Variants in SLIT2 observed in about 807,000 individuals in gnomAD.
SLIT2 encodes slit homolog 2 protein.
SLIT2 carries 41 observed loss-of-function variants against 185.7 expected under a neutral mutation model. The ratio of observed to expected loss-of-function variants is 0.22; its 90% confidence interval spans 0.17 to 0.29. The LOEUF is 0.29. Ranked by LOEUF, SLIT2 falls within the 10% of genes least tolerant of loss-of-function variation. SLIT2 has a pLI of 1.00. For missense variants in SLIT2, 1,571 were observed against 1,909.0 expected (o/e 0.82, Z 3.30); for synonymous variants, 693 against 680.2 (o/e 1.02, Z -0.29).
chr4:20,254,283 A>G lies in SLIT2; in HGVS notation c.179+289A>G, dbSNP rs1431245166. Reference sequence around the variant, plus strand: ...CTCTGGGGCTGGGGAGCGGGTAGATAGGGGACAAGTACTGGAGGATGCCCG... The same window carrying G: ...CTCTGGGGCTGGGGAGCGGGTAGATGGGGGACAAGTACTGGAGGATGCCCG... On this transcript the variant is annotated intron_variant, in intron 1 of 36. Coordinates refer to ENST00000504154, the MANE Select transcript of SLIT2 (RefSeq NM_004787.4). The surrounding 1 kb of genome is among the most constrained non-coding windows in gnomAD (Gnocchi z 5.1). 2.0e-5 allele frequency among the ~76,000 whole-genome samples: 3 copies of G among 152,112 alleles called. No homozygotes were observed. Among genetic ancestry groups the G allele is most frequent in the Non-Finnish European group, 4.4e-5 (3 of 68,018 alleles).
chr4:20,405,195 TTA>T (rs149863258), intron 4 of SLIT2, among the ~76,000 whole-genome samples: 23 of 150,080 alleles, frequency 1.5e-4, no homozygotes, highest in African/African-American at 3.2e-4. Context: ...ACACTGCCTA[TTA>T]TATATATATA....
intron 4 of SLIT2, among the ~76,000 whole-genome samples, chr4:20,297,693 A>C (rs1158823919): frequency 6.7e-6 from 1 of 149,418 alleles, no homozygotes; most frequent in African/African-American, 2.5e-5. Flanking sequence ...AAAAAATCTC[A>C]TGGGTTTTTG....
chr4:20,592,396 C>G (rs557468385), intron 30 of SLIT2, among the ~76,000 whole-genome samples: 1 of 152,202 alleles, frequency 6.6e-6, no homozygotes, highest in Admixed American at 6.5e-5. Context: ...CTCTCCTTGT[C>G]AGATAATAGA....
At position 20,541,356 on chromosome 4, in the gene SLIT2, C is replaced by G. The variant is rs953021992; in HGVS notation, c.1977-97C>G. ...GGAATGCAAAGAAGAAGGAATCATT[C>G]CAGCGGAAATAGCGTGGAGAAGGGT... On this transcript the variant is annotated intron_variant, in intron 19 of 36. Transcript: ENST00000504154. 3.0e-6 allele frequency: 3 copies of G among 1,003,716 alleles called. No individual in the cohort carries two copies. In the African/African-American group the frequency reaches 4.8e-5, roughly 16 times the overall value. The allele number at this position is 1,003,716 out of a possible 1,614,324, so 62.2% of individuals were successfully genotyped here.
chr4:20,374,488 C>T (rs549801005), intron 4 of SLIT2, among the ~76,000 whole-genome samples: 22 of 152,104 alleles, frequency 1.4e-4, no homozygotes, highest in Middle Eastern at 3.4e-3. Flanking sequence ...TTAAGCAGTC[C>T]AGACCTTTCT....
At chr4:20,404,548 C>T (rs182398913) in intron 4 of SLIT2, among the ~76,000 whole-genome samples, 105 of 152,052 alleles carry the variant, frequency 6.9e-4, no homozygotes, top group African/African-American at 2.4e-3. Context: ...TGGGTGTTAG[C>T]AGTTATTACA....
intron 4 of SLIT2, among the ~76,000 whole-genome samples, chr4:20,301,968 T>G (rs979257234): frequency 6.6e-6 from 1 of 152,204 alleles, no homozygotes; most frequent in African/African-American, 2.4e-5. Context: ...TTGTAGTTTA[T>G]AAGGACTGGG....
intron 11 of SLIT2, among the ~76,000 whole-genome samples, chr4:20,518,735 G>A (rs1720539554): frequency 7.1e-6 from 1 of 140,334 alleles, no homozygotes; most frequent in Non-Finnish European, 1.5e-5. Context: ...CTCCCGCGCA[G>A]CTGGGACTAC....
At chr4:20,464,015 A>G (rs538603057) in intron 4 of SLIT2, among the ~76,000 whole-genome samples, 17 of 151,800 alleles carry the variant, frequency 1.1e-4, no homozygotes, top group Non-Finnish European at 2.4e-4. Flanking sequence ...TACCTAATCC[A>G]TCTTTACTTG....
At chr4:20,345,508 T>C (rs1396793563) in intron 4 of SLIT2, among the ~76,000 whole-genome samples, 1 of 151,548 alleles carries the variant, frequency 6.6e-6, no homozygotes, top group Non-Finnish European at 1.5e-5. Flanking sequence ...TTTTCCTTTT[T>C]TCTTTTTCTT....
At chr4:20,476,687 C>T (rs1716143706) in intron 5 of SLIT2, among the ~76,000 whole-genome samples, 1 of 152,080 alleles carries the variant, frequency 6.6e-6, no homozygotes. Context: ...TGGGTAGGAA[C>T]ACACTAATTG....
chr4:20,547,663 A>T (rs1723367158), intron 22 of SLIT2, among the ~76,000 whole-genome samples: 1 of 150,912 alleles, frequency 6.6e-6, no homozygotes, highest in African/African-American at 2.4e-5. Context: ...GAATATATTT[A>T]GTTATTATAA....
At chr4:20,388,648 C>T (rs1022697592) in intron 4 of SLIT2, among the ~76,000 whole-genome samples, 6 of 151,440 alleles carry the variant, frequency 4.0e-5, no homozygotes, top group African/African-American at 1.5e-4. Flanking sequence ...GTGGCGTGTG[C>T]CTGTAGTCCC....
intron 4 of SLIT2, among the ~76,000 whole-genome samples, chr4:20,395,560 T>C (rs1725824828): frequency 6.6e-6 from 1 of 152,008 alleles, no homozygotes; most frequent in Non-Finnish European, 1.5e-5. Flanking sequence ...ATTATTTAAT[T>C]ATCTTTCCTG....
At chr4:20,419,590 A>T (rs1240983599) in intron 4 of SLIT2, among the ~76,000 whole-genome samples, 1 of 151,552 alleles carries the variant, frequency 6.6e-6, no homozygotes, top group Non-Finnish European at 1.5e-5. Context: ...AACCTCTCTG[A>T]TATTCAATTT....
At chr4:20,422,822 G>A (rs1728266721) in intron 4 of SLIT2, among the ~76,000 whole-genome samples, 2 of 151,994 alleles carry the variant, frequency 1.3e-5, no homozygotes, top group Admixed American at 6.6e-5. Flanking sequence ...GGTGGAAAAT[G>A]AGAATGGAAA....
chr4:20,499,125 A>T (rs555504695), intron 9 of SLIT2, among the ~76,000 whole-genome samples: 1 of 152,158 alleles, frequency 6.6e-6, no homozygotes, highest in African/African-American at 2.4e-5. Flanking sequence ...GCTATTATTT[A>T]TCTGATGATT....
chr4:20,303,626 C>T (rs185545627), intron 4 of SLIT2, among the ~76,000 whole-genome samples: 15 of 152,240 alleles, frequency 9.9e-5, no homozygotes, highest in African/African-American at 4.8e-5. Flanking sequence ...GAGGAGCCCA[C>T]GCTCCACTGA....
At chr4:20,616,776 A>G in intron 34 of SLIT2, 134 bp from the exon 35 acceptor site, 5 of 899,924 alleles carry the variant, frequency 5.6e-6, no homozygotes, top group Non-Finnish European at 8.4e-6. Context: ...TCTCCACTTC[A>G]CTTCCCTACC....
Sources: allele counts gnomAD v4.1 joint callset (sites outside exome capture counted in the v4.1 genomes callset), GRCh38; gene constraint gnomAD v4.1.1; non-coding constraint Gnocchi (gnomAD v3.1); transcripts MANE v1.5; gene names NCBI Gene and HGNC (gene_info 2026-07-23, HGNC 2026-07-21).